Variants in HAS1 observed in about 807,000 individuals in gnomAD.
HAS1 encodes the protein HA synthase 1.
Under a neutral mutation model 35.0 loss-of-function variants are expected in HAS1, and 27 were observed. The ratio of observed to expected loss-of-function variants is 0.77; its 90% confidence interval spans 0.57 to 1.06. HAS1 has a LOEUF of 1.06. Among genes scored for constraint, HAS1 ranks in the 50% least tolerant of loss-of-function variants. The pLI is 0.00. For synonymous variants in HAS1, 409 were observed against 371.2 expected, an observed-to-expected ratio of 1.10 and a Z score of -1.17; for missense variants, 940 against 814.8, an observed-to-expected ratio of 1.15 and a Z score of -1.87.
At position 51,720,858 on chromosome 19, in the gene HAS1, G is replaced by C. The variant is rs1005281223; in HGVS notation, c.10-963C>G. On this transcript the variant is annotated intron_variant, in intron 1 of 4. Coordinates refer to ENST00000540069, the MANE Select transcript of HAS1 (RefSeq NM_001297436.2). Reference sequence around the variant, plus strand: ...ATGGAGTGTCACAATTTAATTACTAGGGCGTTTCCCTCCTCTTTCTTAGTG... The same window carrying C: ...ATGGAGTGTCACAATTTAATTACTACGGCGTTTCCCTCCTCTTTCTTAGTG... 2.0e-5 allele frequency among the ~76,000 whole-genome samples: 3 copies of C among 152,186 alleles called. No homozygotes were observed. In the South Asian group the frequency reaches 6.2e-4, roughly 32 times the overall value.
chr19:51,716,509 C>T, intron 3 of HAS1, 121 bp from the exon 4 acceptor site: 1 of 794,312 alleles, frequency 1.3e-6, no homozygotes, highest in Non-Finnish European at 2.0e-6. Context: ...ATCATAATCT[C>T]AATCTCAGCA....
At chr19:51,720,022 C>T (rs1276755146) in intron 1 of HAS1, 127 bp from the exon 2 acceptor site, 2 of 595,292 alleles carry the variant, frequency 3.4e-6, no homozygotes, top group African/African-American at 1.9e-5. Flanking sequence ...CTCTCTCTCC[C>T]TCCCTCCGTC....
rs2083553072 is a variant in HAS1 at position 51,713,361 on chromosome 19, C to T, written c.*66G>A. The T allele has an allele frequency of 8.7e-5, 121 of 1,395,814 alleles. No individual in the cohort carries two copies. In the South Asian group the frequency reaches 1.9e-3, roughly 22 times the overall value. 86.5% of individuals were successfully genotyped at this position (1,395,814 alleles called of 1,614,324 possible). A position where few individuals can be genotyped will look rare whatever the true frequency, so the allele number is the denominator to read the frequency against. On this transcript the variant is annotated 3_prime_UTR_variant, in exon 5 of 5. Coordinates refer to ENST00000540069, the MANE Select transcript of HAS1 (RefSeq NM_001297436.2). This position sits in a 1 kb window ranked among gnomAD's most constrained non-coding sequence, Gnocchi z 4.5. Reference sequence around the variant, plus strand: ...AGAACCACCCAGCAAGTTCGTGGCTCGGGGCCCAGCAGCTCTCCTCTGGCC... The same window carrying T: ...AGAACCACCCAGCAAGTTCGTGGCTTGGGGCCCAGCAGCTCTCCTCTGGCC...
rs2083561950 is a variant in HAS1 at position 51,713,858 on chromosome 19, G to A, written c.1303C>T (p.Leu435=). ...GCCAGTGCCACGCCCTGCACGCACAGCAGCACCCACAGCAGCGCCCAAGGG... is the reference window on the plus strand; with the variant it reads ...GCCAGTGCCACGCCCTGCACGCACAACAGCACCCACAGCAGCGCCCAAGGG... ...GRPWALLWVL[L]CVQGVALAKA... is the part of the protein sequence containing the mutation. Residue 435 remains leucine, a synonymous_variant, in exon 5 of 5, where the codon CTG becomes TTG. Coordinates refer to ENST00000540069, the MANE Select transcript of HAS1 (RefSeq NM_001297436.2). This position sits in a 1 kb window ranked among gnomAD's most constrained non-coding sequence, Gnocchi z 4.5. 1.9e-6 allele frequency: 3 copies of A among 1,606,940 alleles called. No individual in the cohort carries two copies. Among genetic ancestry groups the A allele is most frequent in the African/African-American group, 2.7e-5 (2 of 75,028 alleles).
In HAS1 at chr19:51,713,741, C is replaced by T. The variant is rs745653161; in HGVS notation, c.1420G>A (p.Ala474Thr). 4 of 1,606,904 alleles carry T rather than the reference C, an allele frequency of 2.5e-6. No homozygotes were observed. In the African/African-American group the frequency reaches 5.4e-5, roughly 21 times the overall value. ...ATGGTGACTAGCGCCAGGAACTTGG[C>T]AGGCAGGAGGCCACACATGTAGAGG... ...APLYMCGLLP[A>T]KFLALVTMNQ... The change falls in exon 5 of 5, where the codon GCC (alanine) becomes ACC (threonine). Residue 474 changes from alanine (A) to threonine (T), a missense_variant. Ala to Thr is a moderately conservative substitution (Grantham distance 58). Transcript: ENST00000540069. This position sits in a 1 kb window ranked among gnomAD's most constrained non-coding sequence, Gnocchi z 4.5.
At chr19:51,717,695 G>C (rs1013192040) in intron 2 of HAS1, among the ~76,000 whole-genome samples, 1 of 152,112 alleles carries the variant, frequency 6.6e-6, no homozygotes, top group Non-Finnish European at 1.5e-5. Context: ...GAGTTCTATG[G>C]CTGCAAGAAA....
intron 1 of HAS1, 91 bp from the exon 2 acceptor site, chr19:51,719,986 C>T (rs888815482): frequency 2.5e-6 from 2 of 795,466 alleles, no homozygotes; most frequent in African/African-American, 3.6e-5. Flanking sequence ...TCCTTCCTTC[C>T]CTCCTTCCCT....
At position 51,717,158 on chromosome 19, in the gene HAS1, T is replaced by A; in HGVS notation, c.735A>T (p.Ala245=). 2.5e-6 allele frequency: 4 copies of A among 1,613,666 alleles called. No individual in the cohort carries two copies. Among genetic ancestry groups the A allele is most frequent in the Non-Finnish European group, 2.5e-6 (3 of 1,179,888 alleles). The part of the protein sequence containing the change: ...CDSDTRLDPM[A]LLELVRVLDE... ...CCAGTACCCGCACGAGCTCCAGCAGTGCCATGGGGTCCAACCTTGTGTCCG... is the reference window on the plus strand; with the variant it reads ...CCAGTACCCGCACGAGCTCCAGCAGAGCCATGGGGTCCAACCTTGTGTCCG... Residue 245 remains alanine (A), a synonymous_variant, in exon 3 of 5, where the codon GCA becomes GCT. Coordinates refer to ENST00000540069, the MANE Select transcript of HAS1 (RefSeq NM_001297436.2).
chr19:51,713,686 CG>C lies in HAS1; in HGVS notation c.1474del (p.Arg492GlyfsTer29). ...GACGTAGTTAGCGGCCAGCTTCCGCCGGCCCGAGGTGCCCCAGCCACTCTGG... is the reference window on the plus strand; with the variant it reads ...GACGTAGTTAGCGGCCAGCTTCCGCCGCCCGAGGTGCCCCAGCCACTCTGG... ...MNQSGWGTSG[R>X]RKLAANYVPL... is the part of the protein sequence containing the mutation. On this transcript the variant is annotated frameshift_variant, in exon 5 of 5. Transcript: ENST00000540069. LOFTEE classifies it low-confidence loss of function (END_TRUNC). The surrounding 1 kb of genome is among the most constrained non-coding windows in gnomAD (Gnocchi z 4.5). 6.3e-7 allele frequency: 1 copy of C among 1,589,428 alleles called. No individual in the cohort carries two copies. Among genetic ancestry groups the C allele is most frequent in the Non-Finnish European group, 8.6e-7 (1 of 1,169,456 alleles).
chr19:51,719,547 G>GGGCGCGGGCGGACGCCA lies in HAS1; in HGVS notation c.341_357dup (p.Leu120TrpfsTer86). The GGGCGCGGGCGGACGCCA allele has an allele frequency of 1.3e-6, 2 of 1,546,772 alleles. No homozygotes were observed. Reference sequence around the variant, plus strand: ...CGCAGCCGCGCGCGCGGGTACAGCAGGGCGCGGGCGGACGCCAGGCACTGG... The same window carrying GGGCGCGGGCGGACGCCA: ...CGCAGCCGCGCGCGCGGGTACAGCAGGGCGCGGGCGGACGCCAGGCGCGGGCGGACGCCAGGCACTGG... On this transcript the variant is annotated frameshift_variant, in exon 2 of 5. Coordinates refer to ENST00000540069, the MANE Select transcript of HAS1 (RefSeq NM_001297436.2). LOFTEE classifies it high-confidence loss of function.
chr19:51,719,496 G>T lies in HAS1; in HGVS notation c.409C>A (p.Arg137Ser). ...LRVLMVVDGN[R>S]AEDLYMVDMF... ...TCGACCATGTAGAGGTCCTCGGCGC[G>T]GTTGCCATCCACCACCATGAGGACG... Residue 137 changes from arginine (R) to serine (S), a missense_variant, in exon 2 of 5, where the codon CGC (arginine) becomes AGC (serine). Coordinates refer to ENST00000540069, the MANE Select transcript of HAS1 (RefSeq NM_001297436.2). The T allele has an allele frequency of 1.3e-6, 2 of 1,550,376 alleles. No homozygotes were observed. The highest frequency in any genetic ancestry group is 1.7e-6 in the Non-Finnish European group (2 of 1,146,612).
chr19:51,720,271 C>T (rs565396404), intron 1 of HAS1, among the ~76,000 whole-genome samples: 8 of 151,768 alleles, frequency 5.3e-5, no homozygotes, highest in Non-Finnish European at 1.0e-4. Flanking sequence ...TGTGCCACAA[C>T]TCCTGGCTAA....
chr19:51,717,255 A>G (rs1382033082), intron 2 of HAS1, 62 bp from the exon 3 acceptor site: 1 of 1,129,730 alleles, frequency 8.9e-7, no homozygotes, highest in Non-Finnish European at 1.3e-6. Context: ...GCTTGAGAGG[A>G]AGGCATCAAG....
At position 51,719,290 on chromosome 19, in the gene HAS1, C is replaced by G. The variant is rs945462052; in HGVS notation, c.615G>C (p.Val205=). The part of the protein sequence containing the change: ...VEALVRTRRC[V]CVAQRWGGKR... Reference sequence around the variant, plus strand: ...TGCCGCCCCAGCGCTGCGCCACGCACACGCACCTGCGAGTCCTCACCAGCG... The same window carrying G: ...TGCCGCCCCAGCGCTGCGCCACGCAGACGCACCTGCGAGTCCTCACCAGCG... The change falls in exon 2 of 5, where the codon GTG becomes GTC. Residue 205 remains valine (V), a synonymous_variant. Transcript: ENST00000540069. 6 of 1,612,096 alleles carry G rather than the reference C, an allele frequency of 3.7e-6. No homozygotes were observed. The African/African-American group carries it at 8.0e-5, about 22-fold the overall frequency.
At position 51,719,846 on chromosome 19, in the gene HAS1, C is replaced by A; in HGVS notation, c.59G>T (p.Arg20Leu). The change falls in exon 2 of 5, where the codon CGG becomes CTG. Residue 20 changes from arginine (R) to leucine (L), a missense_variant. By Grantham distance (102) the Arg-to-Leu change is moderately radical. Transcript: ENST00000540069. Reference protein sequence around the residue: ...PAACRCSGLARRVLTIAFALL... With the variant: ...PAACRCSGLALRVLTIAFALL... ...GGCGAAGGCGATGGTCAGCACCCTC[C>A]GGGCCAGGCCGGAGCAGCGGCAGGC... 6.5e-7 allele frequency: 1 copy of A among 1,548,680 alleles called. No individual in the cohort carries two copies. Among genetic ancestry groups the A allele is most frequent in the South Asian group, 1.2e-5 (1 of 84,564 alleles).
chr19:51,721,064 C>T (rs1192316140), intron 1 of HAS1, among the ~76,000 whole-genome samples: 1 of 152,114 alleles, frequency 6.6e-6, no homozygotes, highest in Non-Finnish European at 1.5e-5. Context: ...TTATTATTAT[C>T]CCCGTTGTAC....
chr19:51,721,142 A>G (rs545484408), intron 1 of HAS1, among the ~76,000 whole-genome samples: 1 of 152,280 alleles, frequency 6.6e-6, no homozygotes, highest in South Asian at 2.1e-4. Context: ...AAGCAGAGGA[A>G]CCTGGATTTG....
In HAS1 at chr19:51,717,018, C is replaced by T. The variant is rs150290681; in HGVS notation, c.875G>A (p.Arg292Gln). 7.8e-5 allele frequency: 126 copies of T among 1,614,112 alleles called. No individual in the cohort carries two copies. Among genetic ancestry groups the T allele is most frequent in the Middle Eastern group, 1.6e-4 (1 of 6,062 alleles). The change falls in exon 3 of 5, where the codon CGG becomes CAG. Residue 292 changes from arginine (R) to glutamine (Q), a missense_variant. Physicochemically the swap from Arg to Gln is conservative, Grantham distance 43. Transcript: ENST00000540069. The part of the protein sequence containing the change: ...LRYWVAFNVE[R>Q]ACQSYFHCVS... ...ACAGTGGAAGTAGCTCTGACAAGCC[C>T]GCTCCACATTGAAGGCTACCCAGTA...
chr19:51,723,817 C>A, intron 1 of HAS1, 108 bp downstream of exon 1: 1 of 1,064,098 alleles, frequency 9.4e-7, no homozygotes. Context: ...CACATGAAAT[C>A]ATGCACACAC....
Sources: allele counts gnomAD v4.1 joint callset (sites outside exome capture counted in the v4.1 genomes callset), GRCh38; gene constraint gnomAD v4.1.1; non-coding constraint Gnocchi (gnomAD v3.1); transcripts MANE v1.5; gene names NCBI Gene and HGNC (gene_info 2026-07-23, HGNC 2026-07-21).